The following HK1 variants were observed in gnomAD, a reference collection of about 807,000 sequenced individuals.
HK1 encodes the protein hexokinase 1.
A neutral mutation model predicts 91.6 loss-of-function variants in HK1; 28 were observed. The ratio of observed to expected loss-of-function variants is 0.31; its 90% CI spans 0.23 to 0.42. The LOEUF (loss-of-function observed/expected upper bound fraction) is 0.42, where lower values mean the gene tolerates loss of function less well. HK1 is among the 10% of genes least tolerant of loss of function. HK1 has a pLI of 1.00. For missense variants in HK1, 770 were observed against 1,219.8 expected (o/e 0.63, Z 5.49); for synonymous variants, 430 against 468.1 (o/e 0.92, Z 1.05).
At position 69,392,317 on chromosome 10, in the gene HK1, G is replaced by C; in HGVS notation, c.2219+9G>C. ...AATGCTGGGAAACAAAGGTAACCCC[G>C]CCTGGTGGAGAGGACACTCACAGTC... On this transcript the variant is annotated intron_variant, in intron 15 of 17. Transcript: ENST00000359426. 6.2e-7 allele frequency: 1 copy of C among 1,614,116 alleles called. No individual in the cohort carries two copies. Among genetic ancestry groups the C allele is most frequent in the Non-Finnish European group, 8.5e-7 (1 of 1,179,982 alleles).
upstream of HK1, chr10:69,318,379 T>C: frequency 3.5e-6 from 1 of 285,188 alleles, no homozygotes; most frequent in Non-Finnish European, 5.3e-6. Context: ...ACCGGACTCC[T>C]AGGGGCGAGC....
intron 5 of HK1, among the ~76,000 whole-genome samples, chr10:69,305,826 C>T (rs1846075155): frequency 6.7e-6 from 1 of 150,108 alleles, no homozygotes; most frequent in Non-Finnish European, 1.5e-5. Context: ...GCACTCCAGC[C>T]TGGGCGACAG....
At chr10:69,400,879 T>C in intron 17 of HK1, 112 bp from the exon 18 acceptor site, 2 of 1,151,392 alleles carry the variant, frequency 1.7e-6, no homozygotes, top group Non-Finnish European at 2.6e-6. Flanking sequence ...AGTCGAAGAA[T>C]CCTAAGTCGA....
chr10:69,327,549 A>G (rs1035240874), intron 1 of HK1, among the ~76,000 whole-genome samples: 1 of 152,184 alleles, frequency 6.6e-6, no homozygotes, highest in African/African-American at 2.4e-5. Context: ...CAACTCATTC[A>G]GCGCATGCAC....
rs75067085 is a variant in HK1, at chr10:69,337,307, T to C, written c.64-6520T>C. ...AGCTGCCATTTCTAAACTCCCCAAC[T>C]TAGCTTGAATCATGGGTCTGTTTCC... On this transcript the variant is annotated intron_variant, in intron 1 of 17. Coordinates refer to ENST00000359426, the MANE Select transcript of HK1 (RefSeq NM_000188.3). Among the ~76,000 whole-genome samples the C allele has an allele frequency of 7.6e-3, 1,164 of 152,316 alleles. 12 individuals are homozygous for C. Among genetic ancestry groups the C allele is most frequent in the African/African-American group, 0.027 (1,120 of 41,564 alleles).
At chr10:69,399,139 G>A (rs1840275821) in intron 17 of HK1, among the ~76,000 whole-genome samples, 1 of 152,208 alleles carries the variant, frequency 6.6e-6, no homozygotes, top group Non-Finnish European at 1.5e-5. Flanking sequence ...AGGTGAGGGT[G>A]GGCGTGGGCT....
intron 1 of HK1, among the ~76,000 whole-genome samples, chr10:69,325,303 G>A (rs1340472750): frequency 2.6e-5 from 4 of 151,106 alleles, no homozygotes; most frequent in Non-Finnish European, 4.4e-5. Flanking sequence ...CGCCTGCCTC[G>A]ACCTCCCAAA....
intron 17 of HK1, among the ~76,000 whole-genome samples, chr10:69,399,617 C>T (rs1840296007): frequency 6.6e-6 from 1 of 152,134 alleles, no homozygotes; most frequent in African/African-American, 2.4e-5. Context: ...GGCTTCATGG[C>T]AGGGAGGGGT....
chr10:69,346,119 T>C (rs1177919710), intron 2 of HK1, among the ~76,000 whole-genome samples: 1 of 152,194 alleles, frequency 6.6e-6, no homozygotes, highest in Non-Finnish European at 1.5e-5. Flanking sequence ...TCCCCCTGCC[T>C]CTTGGCTCCT....
intron 2 of HK1, among the ~76,000 whole-genome samples, chr10:69,287,358 C>T (rs1326509313): frequency 1.3e-5 from 2 of 152,168 alleles, no homozygotes; most frequent in African/African-American, 4.8e-5. Context: ...GGGGGAACCG[C>T]CCCCATGATC....
At chr10:69,295,483 T>A (rs1845517221) in intron 3 of HK1, 1 of 681,028 alleles carries the variant, frequency 1.5e-6, no homozygotes, top group African/African-American at 1.8e-5. Context: ...GAATTGGTAA[T>A]CATGATAGAA....
At chr10:69,318,474 G>C (rs1326461537), upstream of HK1, among the ~76,000 whole-genome samples, 2 of 152,224 alleles carry the variant, frequency 1.3e-5, no homozygotes, top group Non-Finnish European at 2.9e-5. Context: ...CGTCCCGGCG[G>C]AGCCGGGCGG....
chr10:69,378,066 T>C (rs2132860184), intron 8 of HK1, among the ~76,000 whole-genome samples: 5 of 152,314 alleles, frequency 3.3e-5, no homozygotes, highest in Admixed American at 3.3e-4. Flanking sequence ...GCCAAATCCA[T>C]GTGCTGGAGT....
rs574088108 is a variant in HK1, at chr10:69,336,517, T to A, written c.64-7310T>A. 5.9e-5 allele frequency among the ~76,000 whole-genome samples: 9 copies of A among 151,416 alleles called. No homozygotes were observed. In the South Asian group the frequency reaches 1.5e-3, roughly 25 times the overall value. On this transcript the variant is annotated intron_variant, in intron 1 of 17. Coordinates refer to ENST00000359426, the MANE Select transcript of HK1 (RefSeq NM_000188.3). ...ATTATTGCATCTTTAAAAAAAAAAA[T>A]GAAACAGTGTAAATGTTTCAAGTAG... is the stretch of plus-strand genomic sequence containing the variant.
chr10:69,276,118 A>AAAAAAAAAAAAAATATAT, intron 1 of HK1, among the ~76,000 whole-genome samples: 1 of 38,262 alleles, frequency 2.6e-5, no homozygotes, highest in Non-Finnish European at 5.1e-5. Flanking sequence ...AAAAAAAAAA[A>AAAAAAAAAAAAAATATAT]ATACATATAT....
chr10:69,369,191 G>T lies in HK1; in HGVS notation c.592-46G>T, dbSNP rs770391528. On this transcript the variant is annotated intron_variant, in intron 5 of 17. Coordinates refer to ENST00000359426, the MANE Select transcript of HK1 (RefSeq NM_000188.3). The surrounding 1 kb of genome is among the most constrained non-coding windows in gnomAD (Gnocchi z 4.4). ...AGCGCTGTTAAGGTGTGTGATCTCT[G>T]CTCCCATGTGTGAGTGGACAATGAC... The T allele has an allele frequency of 2.8e-6, 4 of 1,406,268 alleles. No individual in the cohort carries two copies. In the South Asian group the frequency reaches 4.6e-5, roughly 16 times the overall value. 87.1% of individuals were successfully genotyped at this position (1,406,268 alleles called of 1,614,324 possible).
intron 2 of HK1, among the ~76,000 whole-genome samples, chr10:69,288,184 A>G (rs1188730171): frequency 1.3e-5 from 2 of 152,050 alleles, no homozygotes; most frequent in Non-Finnish European, 2.9e-5. Context: ...GCTAATTTCC[A>G]CTTCTATTGG....
upstream of HK1, among the ~76,000 whole-genome samples, chr10:69,313,267 G>T (rs1466555881): frequency 6.6e-6 from 1 of 152,190 alleles, no homozygotes; most frequent in African/African-American, 2.4e-5. Flanking sequence ...TGGGCTGGGT[G>T]GGGCCTGGGC....
chr10:69,354,429 C>T (rs375342925), intron 2 of HK1, among the ~76,000 whole-genome samples: 4 of 152,102 alleles, frequency 2.6e-5, no homozygotes, highest in Non-Finnish European at 2.9e-5. Flanking sequence ...CCTCACAAAG[C>T]GGCAGGAAGG....
Sources: gnomAD v4.1 joint callset for allele counts (sites outside exome capture counted in the v4.1 genomes callset) on GRCh38, gnomAD v4.1.1 for gene constraint, Gnocchi (gnomAD v3.1) non-coding constraint, MANE v1.5 for transcripts, NCBI Gene and HGNC (gene_info 2026-07-23, HGNC 2026-07-21) for gene names.